Variants in MEP1A observed in about 807,000 individuals in gnomAD.
The protein encoded by MEP1A is N-benzoyl-L-tyrosyl-P-amino-benzoic acid hydrolase subunit alpha.
Under a neutral mutation model 84.5 loss-of-function variants are expected in MEP1A, and 68 were observed. The ratio of observed to expected loss-of-function variants is 0.80; its 90% confidence interval spans 0.66 to 0.98. The LOEUF (loss-of-function observed/expected upper bound fraction) is 0.98. Among genes scored for constraint, MEP1A ranks in the 50% least tolerant of loss-of-function variants. MEP1A has a pLI of 0.00. For missense variants in MEP1A, 887 were observed against 919.9 expected (o/e 0.96, Z 0.46); for synonymous variants, 337 against 336.8 (o/e 1.00, Z -0.01).
At chr6:46,794,588 AG>A (rs1235690181) in intron 3 of MEP1A, among the ~76,000 whole-genome samples, 1 of 152,178 alleles carries the variant, frequency 6.6e-6, no homozygotes, top group Non-Finnish European at 1.5e-5. Flanking sequence ...CCAATAACTA[AG>A]GGTCAATTTT....
At chr6:46,824,961 C>CTATTTAAATATATATAAATTATA in intron 7 of MEP1A, among the ~76,000 whole-genome samples, 1 of 115,018 alleles carries the variant, frequency 8.7e-6, no homozygotes, top group African/African-American at 3.4e-5. Context: ...TTAAATAGAT[C>CTATTTAAATATATATAAATTATA]TATTTAAATA....
At chr6:46,828,505 T>A (rs1581685520) in intron 9 of MEP1A, among the ~76,000 whole-genome samples, 1 of 152,268 alleles carries the variant, frequency 6.6e-6, no homozygotes, top group East Asian at 1.9e-4. Flanking sequence ...TACTGTACAC[T>A]CACTTTATTT....
intron 5 of MEP1A, among the ~76,000 whole-genome samples, chr6:46,808,223 T>G (rs980336980): frequency 6.6e-6 from 1 of 152,030 alleles, no homozygotes; most frequent in African/African-American, 2.4e-5. Context: ...TAAGTAAGAA[T>G]AGGTAAAAGT....
intron 10 of MEP1A, among the ~76,000 whole-genome samples, chr6:46,831,088 G>A (rs923964927): frequency 3.9e-5 from 6 of 152,130 alleles, no homozygotes; most frequent in Non-Finnish European, 8.8e-5. Context: ...TTCAGAGTAT[G>A]CCTGTGTACG....
At chr6:46,824,589 A>T (rs1283740103) in intron 7 of MEP1A, among the ~76,000 whole-genome samples, 4 of 138,690 alleles carry the variant, frequency 2.9e-5, no homozygotes, top group African/African-American at 1.1e-4. Context: ...TATATAAATT[A>T]TATATATTAA....
chr6:46,796,959 AT>A (rs1488700902), intron 3 of MEP1A, among the ~76,000 whole-genome samples: 7 of 152,234 alleles, frequency 4.6e-5, no homozygotes, highest in African/African-American at 1.7e-4. Context: ...CAGTGATGTC[AT>A]TACTGTTTGT....
chr6:46,820,384 C>A (rs1307603211), intron 7 of MEP1A, among the ~76,000 whole-genome samples: 1 of 151,976 alleles, frequency 6.6e-6, no homozygotes, highest in Non-Finnish European at 1.5e-5. Flanking sequence ...TTTCATTGTT[C>A]TTTAGGTTGT....
intron 6 of MEP1A, among the ~76,000 whole-genome samples, chr6:46,811,619 G>A (rs190300606): frequency 8.6e-5 from 13 of 152,028 alleles, no homozygotes; most frequent in African/African-American, 3.1e-4. Context: ...TGTTGTAGAT[G>A]GCTTTTATTA....
rs1768197287 is a variant in MEP1A, at chr6:46,835,452, G to A, written c.1987G>A (p.Asp663Asn). Residue 663 changes from aspartate (D) to asparagine (N), a missense_variant, in exon 13 of 14, where the codon GAC (aspartate) becomes AAC (asparagine). Asp to Asn is a conservative substitution (Grantham distance 23). Transcript: ENST00000230588. ...RSVENTGPLEDHNWPQYFRDP... is the reference protein window; with the variant it reads ...RSVENTGPLENHNWPQYFRDP... The stretch of plus-strand genomic sequence containing the variant: ...GGTGGAGAACACAGGCCCCCTGGAG[G>A]ACCATAACTGGCCACAGTACTTCAG... The A allele has an allele frequency of 6.2e-7, 1 of 1,612,734 alleles. No individual in the cohort carries two copies. The highest frequency in any genetic ancestry group is 1.3e-5 in the African/African-American group (1 of 75,036).
chr6:46,820,263 TG>T (rs968547650), intron 7 of MEP1A, among the ~76,000 whole-genome samples: 4 of 152,354 alleles, frequency 2.6e-5, no homozygotes, highest in South Asian at 4.1e-4. Flanking sequence ...CAAAGGTGAA[TG>T]TTTTTTTCTT....
At chr6:46,800,203 A>G (rs1767163294) in intron 5 of MEP1A, among the ~76,000 whole-genome samples, 1 of 152,132 alleles carries the variant, frequency 6.6e-6, no homozygotes. Context: ...TCCCATTACA[A>G]TTTGTTTTAT....
chr6:46,797,478 C>A (rs541618989), intron 3 of MEP1A, among the ~76,000 whole-genome samples: 1 of 152,300 alleles, frequency 6.6e-6, no homozygotes, highest in South Asian at 2.1e-4. Context: ...CACCTGAGAA[C>A]AGATGTTTGG....
intron 6 of MEP1A, among the ~76,000 whole-genome samples, chr6:46,813,039 G>A (rs1767542754): frequency 6.6e-6 from 1 of 152,022 alleles, no homozygotes; most frequent in Non-Finnish European, 1.5e-5. Flanking sequence ...CTGTCTTGAT[G>A]ACCTGTCTAG....
intron 5 of MEP1A, among the ~76,000 whole-genome samples, chr6:46,807,137 A>G (rs1767343598): frequency 6.6e-6 from 1 of 151,882 alleles, no homozygotes; most frequent in African/African-American, 2.4e-5. Flanking sequence ...TAATACGTAC[A>G]GCCATTGGTA....
rs1768282005 is a variant in MEP1A at position 46,839,154 on chromosome 6, G to A, written c.*18G>A. On this transcript the variant is annotated 3_prime_UTR_variant, in exon 14 of 14. Transcript: ENST00000230588. The stretch of plus-strand genomic sequence containing the variant: ...GGAAGTGACCTGCCTGCTGGCATTG[G>A]CCAGACCACAGCAGCACCTCCTCCA... 1.2e-6 allele frequency: 2 copies of A among 1,607,936 alleles called. No individual in the cohort carries two copies. Among genetic ancestry groups the A allele is most frequent in the Non-Finnish European group, 8.5e-7 (1 of 1,177,224 alleles).
chr6:46,809,467 C>G lies in MEP1A; in HGVS notation c.310C>G (p.Leu104Val), dbSNP rs1209374581. The G allele has an allele frequency of 8.7e-6, 14 of 1,609,830 alleles. No homozygotes were observed. The highest frequency in any genetic ancestry group is 1.2e-5 in the Non-Finnish European group (14 of 1,177,606). Residue 104 changes from leucine (L) to valine (V), a missense_variant, in exon 6 of 14, where the codon CTC (leucine) becomes GTC (valine). Transcript: ENST00000230588. ...TCTGTATGCCTTTGAGATGTTCCGT[C>G]TCAAGTCCTGTGTGGATTTCAAGCC... ...AILYAFEMFR[L>V]KSCVDFKPYE...
intron 5 of MEP1A, among the ~76,000 whole-genome samples, chr6:46,800,664 T>A (rs537167572): frequency 5.2e-4 from 79 of 152,320 alleles, no homozygotes; most frequent in African/African-American, 1.8e-3. Context: ...TAGAGTTGAA[T>A]ATTTGTATAG....
intron 5 of MEP1A, among the ~76,000 whole-genome samples, chr6:46,800,598 T>C (rs1767179517): frequency 6.6e-6 from 1 of 152,234 alleles, no homozygotes; most frequent in Non-Finnish European, 1.5e-5. Flanking sequence ...AGGTCACCTT[T>C]AGTGTTAAAG....
chr6:46,803,881 A>G (rs1275412193), intron 5 of MEP1A, among the ~76,000 whole-genome samples: 4 of 151,732 alleles, frequency 2.6e-5, no homozygotes, highest in South Asian at 2.1e-4. Context: ...GTATGTTTAC[A>G]TTTTTAAAAA....
Sources: allele counts gnomAD v4.1 joint callset (sites outside exome capture counted in the v4.1 genomes callset), GRCh38; gene constraint gnomAD v4.1.1; transcripts MANE v1.5; gene names NCBI Gene and HGNC (gene_info 2026-07-23, HGNC 2026-07-21).